ARVCF: variants seen among roughly 807,000 people sequenced by gnomAD.
The protein encoded by ARVCF is splicing regulator ARVCF.
In ARVCF, 66 loss-of-function variants were observed where a neutral mutation model predicts 90.9. That is an observed-to-expected ratio of 0.73 (90% CI 0.60 to 0.89). The LOEUF (loss-of-function observed/expected upper bound fraction) is 0.89. ARVCF is among the 40% of genes least tolerant of loss of function. ARVCF has a pLI of 0.00. For synonymous variants in ARVCF, 653 were observed against 603.4 expected (o/e 1.08, Z -1.21); for missense variants, 1,469 against 1,382.3 (o/e 1.06, Z -1.00).
Position 20,014,459 on chromosome 22 carries a change from T to G in ARVCF, c.-73+2130A>C, listed in dbSNP as rs372924436. 9.2e-4 allele frequency among the ~76,000 whole-genome samples: 140 copies of G among 152,278 alleles called. 1 individual carries two copies. Among genetic ancestry groups the G allele is most frequent in the African/African-American group, 3.3e-3 (136 of 41,544 alleles). On this transcript the variant is annotated intron_variant, in intron 1 of 19. Coordinates refer to ENST00000263207, the MANE Select transcript of ARVCF (RefSeq NM_001670.3). ...ATCCACCTGCCTTGGCCTCCCAAAG[T>G]GTTGGGATTACAGGCATGAGCCACT... is the stretch of plus-strand genomic sequence containing the variant.
chr22:19,973,676 G>A lies in ARVCF; in HGVS notation c.2206C>T (p.Leu736Phe), dbSNP rs1333638646. The A allele has an allele frequency of 1.9e-6, 3 of 1,610,474 alleles. No homozygotes were observed. Among genetic ancestry groups the A allele is most frequent in the African/African-American group, 2.7e-5 (2 of 74,950 alleles). The change falls in exon 13 of 20, where the codon CTC becomes TTC. Residue 736 changes from leucine to phenylalanine, a missense_variant. Leu to Phe is a conservative substitution (Grantham distance 22). Transcript: ENST00000263207. Reference sequence around the variant, plus strand: ...TCTTTGTTGCGCCGGTCCAGCGAGAGGTTGCGCAGAGCGATGGCGACGGCG... The same window carrying A: ...TCTTTGTTGCGCCGGTCCAGCGAGAAGTTGCGCAGAGCGATGGCGACGGCG... Reference protein sequence around the residue: ...VRAVAIALRNLSLDRRNKDLI... With the variant: ...VRAVAIALRNFSLDRRNKDLI...
intron 11 of ARVCF, among the ~76,000 whole-genome samples, chr22:19,974,736 C>T (rs766532979): frequency 3.9e-5 from 6 of 152,110 alleles, no homozygotes; most frequent in Non-Finnish European, 8.8e-5. Flanking sequence ...CAACAGGGCC[C>T]ACCCTCCCCC....
At chr22:20,012,623 G>A (rs73387790) in intron 1 of ARVCF, among the ~76,000 whole-genome samples, 2,428 of 152,384 alleles carry the variant, frequency 0.016, 62 homozygotes, top group African/African-American at 0.055. Flanking sequence ...TTCCCAGTGA[G>A]GATGGCCTGG....
chr22:19,987,497 G>T (rs946809311), intron 3 of ARVCF, among the ~76,000 whole-genome samples: 4 of 151,664 alleles, frequency 2.6e-5, no homozygotes, highest in Middle Eastern at 3.2e-3. Context: ...CCCAGGCCTC[G>T]GTTTGGCCTC....
rs764556878 is a variant in ARVCF, at chr22:19,973,216, T to C, written c.2341A>G (p.Asn781Asp). The C allele has an allele frequency of 5.0e-6, 8 of 1,610,824 alleles. No homozygotes were observed. Among genetic ancestry groups the C allele is most frequent in the Non-Finnish European group, 6.8e-6 (8 of 1,179,212 alleles). Residue 781 changes from asparagine to aspartate, a missense_variant, in exon 14 of 20, where the codon AAC (asparagine) becomes GAC (aspartate). By Grantham distance (23) the Asn-to-Asp change is conservative. Coordinates refer to ENST00000263207, the MANE Select transcript of ARVCF (RefSeq NM_001670.3). ...TCGGACACGATTTCGTGGATGGTGT[T>C]GAGCACCGCCACCACGGTGTCTTCC... ...LEEDTVVAVL[N>D]TIHEIVSDSL...
intron 2 of ARVCF, among the ~76,000 whole-genome samples, chr22:19,992,711 C>T (rs1413823605): frequency 6.6e-6 from 1 of 152,186 alleles, no homozygotes; most frequent in Non-Finnish European, 1.5e-5. Context: ...TAGCCACTGG[C>T]CTCATGGACC....
At chr22:20,005,962 G>T (rs1460766029) in intron 2 of ARVCF, among the ~76,000 whole-genome samples, 1 of 152,214 alleles carries the variant, frequency 6.6e-6, no homozygotes, top group South Asian at 2.1e-4. Context: ...GGAATATCAG[G>T]CATCAAATTC....
In ARVCF at chr22:19,979,842, T is replaced by C. The variant is rs1479219756; in HGVS notation, c.1297A>G (p.Thr433Ala). The C allele has an allele frequency of 1.2e-6, 2 of 1,609,174 alleles. No homozygotes were observed. Among genetic ancestry groups the C allele is most frequent in the Non-Finnish European group, 1.7e-6 (2 of 1,178,788 alleles). Residue 433 changes from threonine (T) to alanine (A), a missense_variant, in exon 6 of 20, where the codon ACT becomes GCT. By Grantham distance (58) the Thr-to-Ala change is moderately conservative (BLOSUM62 0). Transcript: ENST00000263207. ...TCCCGGATGGCGGCCTTGTTGTCAGTGTCGCGGCCATAGGAGAGGTTGCGC... is the reference window on the plus strand; with the variant it reads ...TCCCGGATGGCGGCCTTGTTGTCAGCGTCGCGGCCATAGGAGAGGTTGCGC... ...ALRNLSYGRDTDNKAAIRDCG... is the reference protein window; with the variant it reads ...ALRNLSYGRDADNKAAIRDCG...
intron 3 of ARVCF, among the ~76,000 whole-genome samples, chr22:19,985,216 C>T (rs1391714284): frequency 1.3e-5 from 2 of 152,218 alleles, no homozygotes; most frequent in East Asian, 3.9e-4. Context: ...CTCATCACCC[C>T]CTCCCCAGCT....
chr22:20,003,436 T>C (rs1034283318), intron 2 of ARVCF, among the ~76,000 whole-genome samples: 1 of 152,162 alleles, frequency 6.6e-6, no homozygotes, highest in African/African-American at 2.4e-5. Context: ...ATAACCCTTA[T>C]GAATACTGAA....
intron 2 of ARVCF, among the ~76,000 whole-genome samples, chr22:20,002,858 G>A (rs528743583): frequency 6.6e-6 from 1 of 152,286 alleles, no homozygotes; most frequent in South Asian, 2.1e-4. Context: ...AGCTCCAGTT[G>A]TCTGTAGCAG....
chr22:19,968,467 T>A, downstream of ARVCF: 3 of 1,490,004 alleles, frequency 2.0e-6, no homozygotes, highest in Non-Finnish European at 2.8e-6. Flanking sequence ...GGAGCACCCA[T>A]CCTGGTTTGG....
In ARVCF at chr22:19,980,159, T is replaced by G. The variant is rs1296357724; in HGVS notation, c.980A>C (p.Gln327Pro). 6.3e-7 allele frequency: 1 copy of G among 1,586,852 alleles called. No individual in the cohort carries two copies. Among genetic ancestry groups the G allele is most frequent in the East Asian group, 2.3e-5 (1 of 44,306 alleles). Residue 327 changes from glutamine to proline, a missense_variant, in exon 6 of 20, where the codon CAG becomes CCG. Coordinates refer to ENST00000263207, the MANE Select transcript of ARVCF (RefSeq NM_001670.3). ...AFPMVTAPLA[Q>P]PERGSMGSLD... ...GCTGCCCATGCTGCCCCGTTCAGGC[T>G]GGGCCAGGGGCGCCGTCACCATTGG...
At position 19,981,762 on chromosome 22, in the gene ARVCF, T is replaced by G. The variant is rs202026005; in HGVS notation, c.370-25A>C. ...CCTGGTGGATGGATAGGCAGGTAGG[T>G]GGGGTAGCACGAGAGGCCTAGAAAC... is the stretch of plus-strand genomic sequence containing the variant. On this transcript the variant is annotated intron_variant, in intron 4 of 19. Transcript: ENST00000263207. 5.4e-4 allele frequency: 838 copies of G among 1,553,176 alleles called. 1 individual carries two copies. Among genetic ancestry groups the G allele is most frequent in the Non-Finnish European group, 6.4e-4 (735 of 1,147,784 alleles).
At chr22:19,987,651 G>A (rs1037217129) in intron 3 of ARVCF, among the ~76,000 whole-genome samples, 1 of 152,038 alleles carries the variant, frequency 6.6e-6, no homozygotes, top group African/African-American at 2.4e-5. Flanking sequence ...CATGAAATGG[G>A]GGCCGATGAG....
intron 10 of ARVCF, among the ~76,000 whole-genome samples, chr22:19,976,457 T>C (rs763989945): frequency 6.6e-6 from 1 of 152,186 alleles, no homozygotes; most frequent in Non-Finnish European, 1.5e-5. Context: ...AGACTGCTCC[T>C]TGGTGCCCCT....
chr22:20,013,687 T>C (rs1944919765), intron 1 of ARVCF, among the ~76,000 whole-genome samples: 1 of 151,726 alleles, frequency 6.6e-6, no homozygotes, highest in African/African-American at 2.4e-5. Context: ...GCATAACTGG[T>C]TATGGAGTGG....
At chr22:19,983,579 G>A (rs55851137) in intron 3 of ARVCF, 2,775 of 152,506 alleles carry the variant, frequency 0.018, 70 homozygotes, top group African/African-American at 0.052. Flanking sequence ...GCCACAGAAG[G>A]CACCTCCCCC....
chr22:20,010,276 A>G (rs913253281), intron 2 of ARVCF, among the ~76,000 whole-genome samples, 179 bp downstream of exon 2: 1 of 152,202 alleles, frequency 6.6e-6, no homozygotes, highest in African/African-American at 2.4e-5. Flanking sequence ...TGGTGGCAGG[A>G]GGCCCTCACA....
Sources: gnomAD v4.1 joint callset for allele counts (sites outside exome capture counted in the v4.1 genomes callset) on GRCh38, gnomAD v4.1.1 for gene constraint, MANE v1.5 for transcripts, NCBI Gene and HGNC (gene_info 2026-07-23, HGNC 2026-07-21) for gene names.